The following OR6B3 variants were observed in gnomAD, a reference collection of about 807,000 sequenced individuals.
The protein encoded by OR6B3 is olfactory receptor 6B3.
For synonymous variants in OR6B3, 148 were observed against 187.8 expected, an observed-to-expected ratio of 0.79 and a Z score of 1.73; for missense variants, 315 against 427.4, an observed-to-expected ratio of 0.74 and a Z score of 2.32.
chr2:240,045,194 C>G, exon 2 of OR6B3: 1 of 1,614,216 alleles, frequency 6.2e-7, no homozygotes. Flanking sequence ...ATTCCTTATT[C>G]CTCAGGCAGT....
chr2:240,047,405 C>T (rs1003711382), upstream of OR6B3, among the ~76,000 whole-genome samples: 1 of 152,160 alleles, frequency 6.6e-6, no homozygotes. Flanking sequence ...TTTCCAAGGT[C>T]TGTAGCCACA....
At chr2:240,050,721 C>CAAAAAAAAAA (rs61309204), upstream of OR6B3, among the ~76,000 whole-genome samples, 1 of 57,354 alleles carries the variant, frequency 1.7e-5, no homozygotes, top group Non-Finnish European at 4.2e-5. Flanking sequence ...CTCAAAGAGA[C>CAAAAAAAAAA]AAAAAAAAAA....
At chr2:240,051,225 A>G (rs562842141), upstream of OR6B3, among the ~76,000 whole-genome samples, 9 of 152,292 alleles carry the variant, frequency 5.9e-5, no homozygotes, top group African/African-American at 1.9e-4. Flanking sequence ...GGTTGGCGCT[A>G]TTTACCAAGC....
chr2:240,045,884 C>T, exon 2 of OR6B3: 1 of 1,608,526 alleles, frequency 6.2e-7, no homozygotes, highest in Non-Finnish European at 8.5e-7. Flanking sequence ...ACATGGAGCT[C>T]AGAAAGTAGT....
exon 2 of OR6B3, chr2:240,045,571 A>G (rs760842229): frequency 6.4e-7 from 1 of 1,552,276 alleles, no homozygotes; most frequent in African/African-American, 1.4e-5. Flanking sequence ...GAGCCACAGA[A>G]CGTGACGCTG....
At chr2:240,046,528 C>T (rs1302655083) in intron 1 of OR6B3, among the ~76,000 whole-genome samples, 3 of 152,270 alleles carry the variant, frequency 2.0e-5, no homozygotes, top group African/African-American at 4.8e-5. Context: ...AGATATATGA[C>T]CTGTTACCTG....
rs200759192 is a variant in OR6B3, at chr2:240,045,935, G to A, written c.138C>T (p.Ile46=). Residue 46 remains isoleucine, a synonymous_variant, in exon 2 of 2, where the codon ATC becomes ATT. Coordinates refer to ENST00000641019, the Ensembl canonical transcript of OR6B3. Reference sequence around the variant, plus strand: ...GGGAGGTGCTGCTCCAGACGGTGAGGATGATGGCCAGGTTCTCCACCAGGA... The same window carrying A: ...GGGAGGTGCTGCTCCAGACGGTGAGAATGATGGCCAGGTTCTCCACCAGGA... 4,547 of 1,523,688 alleles carry A rather than the reference G, an allele frequency of 3.0e-3. 93 individuals are homozygous for A. Among genetic ancestry groups the A allele is most frequent in the Non-Finnish European group, 3.9e-3 (4,278 of 1,098,272 alleles). The allele number at this position is 1,523,688 out of a possible 1,614,324, so 94.4% of individuals were successfully genotyped here.
chr2:240,045,340 G>C, exon 2 of OR6B3: 1 of 1,614,248 alleles, frequency 6.2e-7, no homozygotes, highest in Non-Finnish European at 8.5e-7. Flanking sequence ...ACCACGGTGA[G>C]GTGAGAGGCG....
At chr2:240,051,864 A>T (rs1177035449), upstream of OR6B3, among the ~76,000 whole-genome samples, 1 of 152,210 alleles carries the variant, frequency 6.6e-6, no homozygotes, top group Admixed American at 6.5e-5. Flanking sequence ...CTAACATGAT[A>T]AATAATACCA....
chr2:240,047,454 G>A (rs975558150), upstream of OR6B3, among the ~76,000 whole-genome samples: 20 of 152,120 alleles, frequency 1.3e-4, 1 homozygote, highest in Non-Finnish European at 2.6e-4. Context: ...GTATGCCTCC[G>A]CTCATACAAG....
At chr2:240,049,649 C>A (rs1261899339), upstream of OR6B3, among the ~76,000 whole-genome samples, 3 of 151,948 alleles carry the variant, frequency 2.0e-5, no homozygotes, top group Admixed American at 1.3e-4. Context: ...CGGATAGCTA[C>A]AAAACAAAAT....
At chr2:240,051,448 A>G (rs1698254736), upstream of OR6B3, among the ~76,000 whole-genome samples, 1 of 152,242 alleles carries the variant, frequency 6.6e-6, no homozygotes, top group East Asian at 1.9e-4. Flanking sequence ...ACAGGCCCAG[A>G]TACTTTGCCT....
the OR6B3 span, among the ~76,000 whole-genome samples, chr2:240,053,132 G>A: frequency 6.6e-6 from 1 of 152,268 alleles, no homozygotes; most frequent in South Asian, 2.1e-4. The surrounding 1 kb of genome is among the most constrained non-coding windows in gnomAD (Gnocchi z 4.1). Flanking sequence ...TTTATGGTGG[G>A]GCAGACCGAG....
At chr2:240,049,410 C>G (rs946898784), upstream of OR6B3, among the ~76,000 whole-genome samples, 1 of 152,182 alleles carries the variant, frequency 6.6e-6, no homozygotes, top group African/African-American at 2.4e-5. Context: ...AATGTTGTGT[C>G]CAGACCTGGA....
At chr2:240,052,369 G>A in the OR6B3 span, among the ~76,000 whole-genome samples, 2 of 151,920 alleles carry the variant, frequency 1.3e-5, no homozygotes, top group African/African-American at 4.8e-5. The surrounding 1 kb of genome is among the most constrained non-coding windows in gnomAD (Gnocchi z 4.5). Context: ...TAATGAAGAG[G>A]CGTTTCTATT....
At chr2:240,044,747 C>G (rs1698155960), downstream of OR6B3, among the ~76,000 whole-genome samples, 1 of 152,200 alleles carries the variant, frequency 6.6e-6, no homozygotes, top group African/African-American at 2.4e-5. Flanking sequence ...TCAGGGACAC[C>G]TGGAGCTCAT....
chr2:240,051,236 A>C (rs1248532222), upstream of OR6B3, among the ~76,000 whole-genome samples: 1 of 152,156 alleles, frequency 6.6e-6, no homozygotes, highest in Non-Finnish European at 1.5e-5. Flanking sequence ...TTTACCAAGC[A>C]CCTAATATGT....
chr2:240,045,492 G>A (rs1228754790), exon 2 of OR6B3: 3 of 1,614,120 alleles, frequency 1.9e-6, no homozygotes, highest in African/African-American at 1.3e-5. Context: ...CAGCTCTGCA[G>A]TGGAGAAGTC....
intron 1 of OR6B3, 61 bp from the exon 3 acceptor site, chr2:240,046,158 G>A: frequency 1.7e-6 from 2 of 1,210,622 alleles, no homozygotes; most frequent in Non-Finnish European, 2.3e-6. Flanking sequence ...GAGGGAGAGT[G>A]GAGCTGGACC....
Sources: allele counts gnomAD v4.1 joint callset (sites outside exome capture counted in the v4.1 genomes callset), GRCh38; gene constraint gnomAD v4.1.1; non-coding constraint Gnocchi (gnomAD v3.1); transcripts MANE v1.5; gene names NCBI Gene and HGNC (gene_info 2026-07-23, HGNC 2026-07-21).